Variants in AMPH observed in about 807,000 individuals in gnomAD.
AMPH encodes amphiphysin, also known as amphiphysin (Stiff-Mann syndrome with breast cancer 128kD autoantigen).
In AMPH, 49 loss-of-function variants were observed where a neutral mutation model predicts 99.1. The observed-to-expected ratio is 0.49, with a 90% CI of 0.39 to 0.63. The LOEUF (loss-of-function observed/expected upper bound fraction) is 0.63, where lower values mean the gene tolerates loss of function less well. AMPH is among the 20% of genes least tolerant of loss of function. The probability of loss-of-function intolerance (pLI) is 0.00; values close to 1 mark genes in which losing one functional copy is unlikely to be tolerated. For missense variants in AMPH, 759 were observed against 863.4 expected (o/e 0.88, Z 1.52); for synonymous variants, 314 against 317.3 (o/e 0.99, Z 0.11).
chr7:38,466,337 C>T, intron 7 of AMPH, 89 bp from the exon 8 acceptor site: 1 of 1,083,076 alleles, frequency 9.2e-7, no homozygotes, highest in South Asian at 1.5e-5. Flanking sequence ...TGTATGAAAA[C>T]CCAGGTTTCT....
intron 1 of AMPH, among the ~76,000 whole-genome samples, chr7:38,560,435 G>T (rs1562827640): frequency 6.6e-6 from 1 of 152,162 alleles, no homozygotes; most frequent in East Asian, 1.9e-4. Context: ...CCTGGCCCAT[G>T]GAATTGAGAG....
At chr7:38,593,133 TAATA>T in intron 1 of AMPH, among the ~76,000 whole-genome samples, 1 of 152,342 alleles carries the variant, frequency 6.6e-6, no homozygotes, top group South Asian at 2.1e-4. Flanking sequence ...AGTAGAGGCA[TAATA>T]AATATGTTGG....
At chr7:38,629,090 G>T (rs1794363032) in intron 1 of AMPH, among the ~76,000 whole-genome samples, 1 of 152,184 alleles carries the variant, frequency 6.6e-6, no homozygotes, top group Non-Finnish European at 1.5e-5. Context: ...TGGAGAAGAG[G>T]AAGAGGCCAA....
intron 1 of AMPH, among the ~76,000 whole-genome samples, chr7:38,601,235 T>G (rs1793235927): frequency 6.6e-6 from 1 of 152,206 alleles, no homozygotes; most frequent in African/African-American, 2.4e-5. Flanking sequence ...CTGGCCCTTC[T>G]TCGCTACTGC....
chr7:38,600,108 T>C (rs1353353310), intron 1 of AMPH, among the ~76,000 whole-genome samples: 1 of 152,158 alleles, frequency 6.6e-6, no homozygotes, highest in African/African-American at 2.4e-5. Context: ...AATACATTTT[T>C]ATTTGTGATA....
At chr7:38,559,886 G>A (rs1353365970) in intron 1 of AMPH, among the ~76,000 whole-genome samples, 1 of 152,124 alleles carries the variant, frequency 6.6e-6, no homozygotes, top group Non-Finnish European at 1.5e-5. Flanking sequence ...GACACCTATG[G>A]CGCCTGTATA....
intron 1 of AMPH, among the ~76,000 whole-genome samples, chr7:38,581,421 C>A (rs1217126968): frequency 6.6e-6 from 1 of 152,036 alleles, no homozygotes; most frequent in Non-Finnish European, 1.5e-5. Context: ...CCCAGAGGTC[C>A]CACAAGGATG....
intron 20 of AMPH, among the ~76,000 whole-genome samples, chr7:38,388,451 T>G (rs1584024569): frequency 6.6e-6 from 1 of 152,086 alleles, no homozygotes. Flanking sequence ...TAGTCCTTTA[T>G]TGCATTCATT....
At chr7:38,587,349 C>T (rs920950605) in intron 1 of AMPH, among the ~76,000 whole-genome samples, 20 of 152,288 alleles carry the variant, frequency 1.3e-4, no homozygotes, top group Non-Finnish European at 2.9e-5. Context: ...CCAATCTTGA[C>T]ATCGATCTAA....
chr7:38,384,861 T>C lies in AMPH; in HGVS notation c.2045A>G (p.Tyr682Cys). 6.2e-7 allele frequency: 1 copy of C among 1,614,116 alleles called. No individual in the cohort carries two copies. Among genetic ancestry groups the C allele is most frequent in the Non-Finnish European group, 8.5e-7 (1 of 1,179,980 alleles). Residue 682 changes from tyrosine to cysteine, a missense_variant, in exon 21 of 21, where the codon TAC (tyrosine) becomes TGC (cysteine). Tyr to Cys is a radical substitution (Grantham distance 194). Around this residue, in one of 2 missense-constraint regions of AMPH, gnomAD observed 554 missense variants for 575.6 expected, o/e 0.96. Coordinates refer to ENST00000356264, the MANE Select transcript of AMPH (RefSeq NM_001635.4). ...GAAGTTCTCTGGAAAGAGGCCTTTG[T>C]AGGTGGCAAGGTCTCTGTACTGAAG... Reference protein sequence around the residue: ...DWLQYRDLATYKGLFPENFTR... With the variant: ...DWLQYRDLATCKGLFPENFTR...
intron 7 of AMPH, 68 bp downstream of exon 7, chr7:38,475,263 A>G: frequency 1.0e-6 from 1 of 997,970 alleles, no homozygotes; most frequent in Non-Finnish European, 1.6e-6. Flanking sequence ...TAAAGACAAG[A>G]TAAGGGATAT....
At position 38,473,470 on chromosome 7, in the gene AMPH, C is replaced by T. The variant is rs1360704155; in HGVS notation, c.590+1861G>A. ...CTGTAATCCCAGCACTTTGGGAGGC[C>T]GAGGCGGGTGGATCATGAGGTCAGG... is the stretch of plus-strand genomic sequence containing the variant. On this transcript the variant is annotated intron_variant, in intron 7 of 20. Coordinates refer to ENST00000356264, the MANE Select transcript of AMPH (RefSeq NM_001635.4). Among the ~76,000 whole-genome samples, 11 of 65,302 alleles carry T rather than the reference C, an allele frequency of 1.7e-4. 2 individuals are homozygous for T. The highest frequency in any genetic ancestry group is 6.3e-4 in the Admixed American group (3 of 4,758). 42.8% of individuals were successfully genotyped at this position (65,302 alleles called of 152,430 possible).
At chr7:38,561,462 T>C (rs73364847) in intron 1 of AMPH, among the ~76,000 whole-genome samples, 6,969 of 152,296 alleles carry the variant, frequency 0.046, 556 homozygotes, top group African/African-American at 0.16. Context: ...TCAAGCATTG[T>C]GCTAGGCACT....
intron 1 of AMPH, among the ~76,000 whole-genome samples, chr7:38,619,639 C>T (rs1039488857): frequency 1.3e-5 from 2 of 152,140 alleles, no homozygotes; most frequent in African/African-American, 2.4e-5. Context: ...ATAAAATGAG[C>T]CTCAACAAAT....
At chr7:38,466,948 T>A (rs1584129530) in intron 7 of AMPH, among the ~76,000 whole-genome samples, 1 of 152,256 alleles carries the variant, frequency 6.6e-6, no homozygotes, top group African/African-American at 2.4e-5. Context: ...CTTAAATTTC[T>A]ATACCTACAG....
chr7:38,568,660 T>G (rs1198483180), intron 1 of AMPH, among the ~76,000 whole-genome samples: 1 of 152,166 alleles, frequency 6.6e-6, no homozygotes, highest in East Asian at 1.9e-4. Context: ...AGTGCTGTAT[T>G]TGATTATTGA....
chr7:38,515,205 C>A (rs758738069), intron 2 of AMPH, among the ~76,000 whole-genome samples: 7 of 152,096 alleles, frequency 4.6e-5, no homozygotes, highest in Admixed American at 6.5e-5. Flanking sequence ...CCATGCCCAG[C>A]GGACTTTATG....
At chr7:38,465,350 G>A in intron 9 of AMPH, 117 bp downstream of exon 9, 8 of 829,166 alleles carry the variant, frequency 9.6e-6, no homozygotes, top group South Asian at 6.3e-5. Context: ...AGCTTCTAGG[G>A]TGAAAAGGCT....
intron 2 of AMPH, among the ~76,000 whole-genome samples, chr7:38,533,758 C>CT (rs1355483334): frequency 6.6e-5 from 10 of 152,148 alleles, no homozygotes; most frequent in Admixed American, 5.9e-4. Context: ...CCCACATAAT[C>CT]TGACTTTATA....
Sources: gnomAD v4.1 joint callset for allele counts (sites outside exome capture counted in the v4.1 genomes callset) on GRCh38, gnomAD v4.1.1 for gene constraint, gnomAD v4.1.1 regional missense constraint, MANE v1.5 for transcripts, NCBI Gene and HGNC (gene_info 2026-07-23, HGNC 2026-07-21) for gene names.